TEX14: variants seen among roughly 807,000 people sequenced by gnomAD.
The protein encoded by TEX14 is testis expressed 14, intercellular bridge forming factor.
In TEX14, 168 loss-of-function variants were observed where a neutral mutation model predicts 178.6. That is an observed-to-expected ratio of 0.94 (90% CI 0.83 to 1.07). TEX14 has a LOEUF of 1.07. Ranked by LOEUF, TEX14 falls within the 50% of genes least tolerant of loss-of-function variation. The pLI is 0.00. For synonymous variants in TEX14, 626 were observed against 634.1 expected, an observed-to-expected ratio of 0.99 and a Z score of 0.19; for missense variants, 1,730 against 1,753.6, an observed-to-expected ratio of 0.99 and a Z score of 0.24.
chr17:58,599,421 C>T lies in TEX14; in HGVS notation c.1924G>A (p.Ala642Thr). ...CCGTCTGCCTCCAAAGATGAAGCAG[C>T]TCCTGGAGGCTCTTCTATGTCATCT... ...LEDDIEEPPG[A>T]ASSLEADGPN... The change falls in exon 14 of 32, where the codon GCT (alanine) becomes ACT (threonine). Residue 642 changes from alanine to threonine, a missense_variant. This residue lies in a region of TEX14 where 941 missense variants were observed against 1,072.4 expected (regional missense o/e 0.88). Transcript: ENST00000349033. The T allele has an allele frequency of 6.2e-7, 1 of 1,614,196 alleles. No individual in the cohort carries two copies. The highest frequency in any genetic ancestry group is 8.5e-7 in the Non-Finnish European group (1 of 1,180,032).
At chr17:58,625,881 C>T (rs1246835158) in intron 3 of TEX14, among the ~76,000 whole-genome samples, 2 of 151,994 alleles carry the variant, frequency 1.3e-5, no homozygotes, top group Non-Finnish European at 2.9e-5. Flanking sequence ...GCTGGGACTA[C>T]AGGCGCCCGC....
intron 2 of TEX14, among the ~76,000 whole-genome samples, chr17:58,650,930 C>T (rs762265095): frequency 1.3e-5 from 2 of 152,154 alleles, no homozygotes; most frequent in Admixed American, 1.3e-4. Context: ...AGAAGCCTCC[C>T]CTTCAATACT....
chr17:58,610,611 C>T (rs564062015), intron 10 of TEX14, among the ~76,000 whole-genome samples: 3 of 152,276 alleles, frequency 2.0e-5, no homozygotes, highest in Admixed American at 2.0e-4. Context: ...AAGGGCCAGG[C>T]GCAGTGGATC....
intron 15 of TEX14, among the ~76,000 whole-genome samples, chr17:58,592,878 G>A (rs995681562): frequency 6.6e-6 from 1 of 152,048 alleles, no homozygotes; most frequent in Non-Finnish European, 1.5e-5. Context: ...ATGTGTGTGT[G>A]TATGTATGAA....
At chr17:58,646,030 T>C (rs1324827965) in intron 2 of TEX14, among the ~76,000 whole-genome samples, 3 of 152,202 alleles carry the variant, frequency 2.0e-5, no homozygotes, top group Non-Finnish European at 4.4e-5. Flanking sequence ...TTTTTTATTG[T>C]AGTGTTATTT....
At chr17:58,574,701 A>G (rs961485105) in intron 21 of TEX14, among the ~76,000 whole-genome samples, 13 of 149,760 alleles carry the variant, frequency 8.7e-5, no homozygotes, top group Admixed American at 2.0e-4. Context: ...AAAAAAAAAA[A>G]GTGTGAGTTC....
In TEX14 at chr17:58,559,363, A is replaced by G. The variant is rs530246018; in HGVS notation, c.4267+90T>C. 1.2e-5 allele frequency: 8 copies of G among 650,210 alleles called. No homozygotes were observed. The South Asian group carries it at 1.6e-4, about 13-fold the overall frequency. The allele number at this position is 650,210 out of a possible 1,614,324, so 40.3% of individuals were successfully genotyped here. ...ATTATCAAAGGTAGGAGGATTATGT[A>G]TAGCATCTGGGAAACATTTCTAAAT... On this transcript the variant is annotated intron_variant, in intron 30 of 31. Coordinates refer to ENST00000349033, the MANE Select transcript of TEX14 (RefSeq NM_031272.5).
intron 14 of TEX14, among the ~76,000 whole-genome samples, chr17:58,594,081 C>T (rs1316123021): frequency 6.6e-6 from 1 of 152,174 alleles, no homozygotes; most frequent in Non-Finnish European, 1.5e-5. Context: ...GATCCACCCA[C>T]CTCGGCCTCC....
intron 1 of TEX14, among the ~76,000 whole-genome samples, chr17:58,658,065 T>C (rs2047006588): frequency 6.6e-6 from 1 of 152,224 alleles, no homozygotes; most frequent in African/African-American, 2.4e-5. Flanking sequence ...TTTGACTCCC[T>C]GTGATTTCTT....
Position 58,615,343 on chromosome 17 carries a change from A to G in TEX14, c.770T>C (p.Leu257Pro). 1.3e-6 allele frequency: 2 copies of G among 1,587,170 alleles called. No individual in the cohort carries two copies. The highest frequency in any genetic ancestry group is 1.7e-5 in the Admixed American group (1 of 59,930). The change falls in exon 8 of 32, where the codon CTA becomes CCA. Residue 257 changes from leucine to proline, a missense_variant and splice_region_variant. Physicochemically the swap from Leu to Pro is moderately conservative, Grantham distance 98. Transcript: ENST00000349033. ...FSGPYMVMTN[L>P]VWNGSRVTVK... is the part of the protein sequence containing the mutation. Reference sequence around the variant, plus strand: ...TGTGACCCTGCTCCCATTCCACACTAGGCTACAAGGACAGGAAAGAGTTTC... The same window carrying G: ...TGTGACCCTGCTCCCATTCCACACTGGGCTACAAGGACAGGAAAGAGTTTC...
At chr17:58,605,167 A>G (rs1169191409) in intron 10 of TEX14, 38 bp from the exon 11 acceptor site, 13 of 1,598,946 alleles carry the variant, frequency 8.1e-6, no homozygotes, top group East Asian at 4.5e-5. Context: ...CTCATGCCTT[A>G]AAGGGTCTTT....
chr17:58,577,490 T>C, intron 20 of TEX14, 34 bp from the exon 21 acceptor site: 1 of 733,586 alleles, frequency 1.4e-6, no homozygotes, highest in Non-Finnish European at 2.0e-6. Context: ...TATATATATA[T>C]TTTTTTTTAC....
At chr17:58,567,272 T>C (rs7226008) in intron 26 of TEX14, among the ~76,000 whole-genome samples, 34,531 of 151,996 alleles carry the variant, frequency 0.23, 4,276 homozygotes, top group South Asian at 0.33. Context: ...CTCAAAGTGC[T>C]CTGCAAAGCA....
intron 1 of TEX14, among the ~76,000 whole-genome samples, chr17:58,683,501 G>A (rs1312931633): frequency 2.0e-5 from 3 of 152,056 alleles, no homozygotes; most frequent in East Asian, 1.9e-4. Flanking sequence ...GGTGGTTTAC[G>A]CCTGTAATCC....
At chr17:58,562,989 T>C (rs1273903853) in intron 28 of TEX14, among the ~76,000 whole-genome samples, 2 of 152,008 alleles carry the variant, frequency 1.3e-5, no homozygotes, top group Non-Finnish European at 2.9e-5. Context: ...GAGGATCACT[T>C]GAGCCCAGGA....
intron 16 of TEX14, 92 bp from the exon 17 acceptor site, chr17:58,587,758 C>CA: frequency 8.7e-7 from 1 of 1,152,106 alleles, no homozygotes; most frequent in South Asian, 1.3e-5. Flanking sequence ...AAAAGCCCAC[C>CA]AGCCCATCCA....
intron 3 of TEX14, among the ~76,000 whole-genome samples, chr17:58,629,551 A>G (rs1478937337): frequency 2.6e-5 from 4 of 151,666 alleles, no homozygotes; most frequent in Non-Finnish European, 5.9e-5. Flanking sequence ...TTGGCCGGGC[A>G]CGGTGGCTCA....
At chr17:58,659,235 T>TCCCATAACACAA (rs57065505) in intron 1 of TEX14, 1 of 489,044 alleles carries the variant, frequency 2.0e-6, no homozygotes, top group African/African-American at 2.1e-5. Flanking sequence ...AGCAAACACA[T>TCCCATAACACAA]AGTAAAAACC....
intron 1 of TEX14, among the ~76,000 whole-genome samples, chr17:58,656,349 AC>A (rs2046959762): frequency 6.7e-6 from 1 of 149,780 alleles, no homozygotes; most frequent in Non-Finnish European, 1.5e-5. Context: ...GGAGGCTGAG[AC>A]AGGACAACTG....
Sources: allele counts gnomAD v4.1 joint callset (sites outside exome capture counted in the v4.1 genomes callset), GRCh38; gene constraint gnomAD v4.1.1; regional missense constraint gnomAD v4.1.1; transcripts MANE v1.5; gene names NCBI Gene and HGNC (gene_info 2026-07-23, HGNC 2026-07-21).